Variants in AKAP9 observed in about 807,000 individuals in gnomAD.
The protein encoded by AKAP9 is A-kinase anchoring protein 9.
In AKAP9, 311 loss-of-function variants were observed where a neutral mutation model predicts 488.5. That is an observed-to-expected ratio of 0.64 (90% confidence interval 0.58 to 0.70). AKAP9 has a LOEUF of 0.70. Among genes scored for constraint, AKAP9 ranks in the 30% least tolerant of loss-of-function variants. The pLI, the probability that AKAP9 is intolerant of heterozygous loss-of-function variation, is 0.00. For missense variants in AKAP9, 4,215 were observed against 4,374.5 expected, an observed-to-expected ratio of 0.96 and a Z score of 1.03; for synonymous variants, 1,462 against 1,483.5, an observed-to-expected ratio of 0.99 and a Z score of 0.33.
At chr7:92,013,368 G>A (rs1047381506) in intron 9 of AKAP9, among the ~76,000 whole-genome samples, 1 of 152,118 alleles carries the variant, frequency 6.6e-6, no homozygotes, top group African/African-American at 2.4e-5. Context: ...AAAATTGAGA[G>A]TTCAAGGTGT....
Position 91,940,899 on chromosome 7 carries a change from G to A in AKAP9, c.-201G>A, listed in dbSNP as rs1378215320. On this transcript the variant is annotated 5_prime_UTR_variant, in exon 1 of 50. Coordinates refer to ENST00000356239, the MANE Select transcript of AKAP9 (RefSeq NM_005751.5). ...AGACGAAGATGGCGGCGGCGGCGGC[G>A]GTGACGGCGCTTCCCGTGCGGCTGA... is the stretch of plus-strand genomic sequence containing the variant. 1 of 622,250 alleles carries A rather than the reference G, an allele frequency of 1.6e-6. No homozygotes were observed. The highest frequency in any genetic ancestry group is 2.9e-6 in the Non-Finnish European group (1 of 347,904). 38.5% of individuals were successfully genotyped at this position (622,250 alleles called of 1,614,324 possible). A position where few individuals can be genotyped will look rare whatever the true frequency, so the allele number is the denominator to read the frequency against.
intron 1 of AKAP9, among the ~76,000 whole-genome samples, chr7:91,947,606 C>CT (rs1284544792): frequency 2.0e-5 from 3 of 152,172 alleles, no homozygotes; most frequent in African/African-American, 7.2e-5. Flanking sequence ...TCCCAAAGTG[C>CT]TGGGATTACA....
intron 46 of AKAP9, among the ~76,000 whole-genome samples, chr7:92,103,804 G>A (rs991136861): frequency 2.6e-5 from 4 of 152,070 alleles, no homozygotes; most frequent in East Asian, 1.9e-4. Context: ...TTAGGCTGGC[G>A]TACATTCATT....
Position 92,076,866 on chromosome 7 carries a change from A to G in AKAP9, c.6624A>G (p.Leu2208=). The G allele has an allele frequency of 6.8e-7, 1 of 1,466,322 alleles. No individual in the cohort carries two copies. Among genetic ancestry groups the G allele is most frequent in the South Asian group, 1.2e-5 (1 of 80,080 alleles). The allele number at this position is 1,466,322 out of a possible 1,614,324, so 90.8% of individuals were successfully genotyped here. A position where few individuals can be genotyped will look rare whatever the true frequency, so the allele number is the denominator to read the frequency against. Residue 2208 remains leucine, a synonymous_variant, in exon 29 of 50, where the codon TTA becomes TTG. Transcript: ENST00000356239. ...TTTTGTTATTAAAGATTACAAACTT[A>G]GAAGAGCAATTAGAACAGTTTAGAG... ...IDRKEKEITN[L]EEQLEQFREE... is the part of the protein sequence containing the mutation.
rs756721657 is a variant in AKAP9 at position 92,097,682 on chromosome 7, A to G, written c.10495A>G (p.Ile3499Val). 6 of 1,614,090 alleles carry G rather than the reference A, an allele frequency of 3.7e-6. No homozygotes were observed. The highest frequency in any genetic ancestry group is 5.1e-6 in the Non-Finnish European group (6 of 1,180,022). Reference protein sequence around the residue: ...ETKESNYAKLIEMNGGGTGCN... With the variant: ...ETKESNYAKLVEMNGGGTGCN... ...AAAAGAATCAAACTACGCTAAATTG[A>G]TTGAAATGAATGGAGGAGGAACCGG... The change falls in exon 42 of 50, where the codon ATT becomes GTT. Residue 3499 changes from isoleucine (I) to valine (V), a missense_variant. Coordinates refer to ENST00000356239, the MANE Select transcript of AKAP9 (RefSeq NM_005751.5).
intron 12 of AKAP9, among the ~76,000 whole-genome samples, chr7:92,021,318 C>T (rs767463363): frequency 1.1e-4 from 16 of 152,008 alleles, no homozygotes; most frequent in African/African-American, 1.7e-4. Flanking sequence ...ATTTTTTAAA[C>T]GGATTTTATA....
At chr7:92,016,921 A>ATT in intron 11 of AKAP9, 96 bp from the exon 12 acceptor site, 1 of 973,226 alleles carries the variant, frequency 1.0e-6, no homozygotes, top group African/African-American at 1.6e-5. Flanking sequence ...CTAGCAGGCA[A>ATT]TTTTTTTAAG....
intron 16 of AKAP9, among the ~76,000 whole-genome samples, chr7:92,034,490 A>C (rs935803351): frequency 6.5e-5 from 6 of 92,858 alleles, no homozygotes; most frequent in Admixed American, 1.2e-4. Flanking sequence ...CTATATATAT[A>C]TATATATATT....
At chr7:92,009,307 A>T (rs1378244061) in intron 8 of AKAP9, among the ~76,000 whole-genome samples, 2 of 152,204 alleles carry the variant, frequency 1.3e-5, no homozygotes, top group Non-Finnish European at 2.9e-5. Flanking sequence ...TACCAAAGAG[A>T]TTCATAAAAG....
chr7:92,012,314 CT>C, intron 8 of AKAP9, 114 bp from the exon 9 acceptor site: 1 of 940,380 alleles, frequency 1.1e-6, no homozygotes, highest in Non-Finnish European at 1.6e-6. Context: ...AAAAATTAGA[CT>C]TCAGTTCTCA....
Position 92,108,598 on chromosome 7 carries a change from A to T in AKAP9, c.11651A>T (p.Glu3884Val). ...CTAACAGATTATATCACTCGGCTAGAGGCACTGCAAAGACGACTTGGAACT... is the reference window on the plus strand; with the variant it reads ...CTAACAGATTATATCACTCGGCTAGTGGCACTGCAAAGACGACTTGGAACT... ...RALTDYITRL[E>V]ALQRRLGTIQ... The change falls in exon 49 of 50, where the codon GAG becomes GTG. Residue 3884 changes from glutamate (E) to valine (V), a missense_variant. This residue lies in a region of AKAP9 where 253 missense variants were observed against 266.8 expected (regional missense o/e 0.95). Transcript: ENST00000356239. 1.2e-6 allele frequency: 2 copies of T among 1,614,168 alleles called. No homozygotes were observed. The highest frequency in any genetic ancestry group is 2.2e-5 in the South Asian group (2 of 91,076).
At chr7:92,054,660 T>C (rs1442214220) in intron 22 of AKAP9, among the ~76,000 whole-genome samples, 2 of 152,086 alleles carry the variant, frequency 1.3e-5, no homozygotes, top group Non-Finnish European at 2.9e-5. Flanking sequence ...AGGAGTTATT[T>C]ACTTTAGATA....
In AKAP9 at chr7:92,038,781, GC is replaced by G; in HGVS notation, c.4692+11del. On this transcript the variant is annotated intron_variant, in intron 17 of 49. Coordinates refer to ENST00000356239, the MANE Select transcript of AKAP9 (RefSeq NM_005751.5). ...TTATAGTTAGACAGTCTGTAAGTAT[GC>G]CTCCTTGAATATAAAAAACTTATTT... The G allele has an allele frequency of 6.4e-7, 1 of 1,552,408 alleles. No homozygotes were observed. The highest frequency in any genetic ancestry group is 1.4e-5 in the African/African-American group (1 of 73,218).
intron 43 of AKAP9, 61 bp from the exon 44 acceptor site, chr7:92,099,624 CTT>C: frequency 6.6e-7 from 1 of 1,519,670 alleles, no homozygotes; most frequent in South Asian, 1.1e-5. Context: ...CCTATTCACA[CTT>C]TATATGCATT....
rs756905236 is a variant in AKAP9, at chr7:92,080,130, C to T, written c.7997C>T (p.Pro2666Leu). The stretch of plus-strand genomic sequence containing the variant: ...AGAGAGAAAGAAAAGAAAAGAAGCC[C>T]TCAAGATGTTGAAGTTCTCAAGGTT... ...KQREKEKKRS[P>L]QDVEVLKTTT... Residue 2666 changes from proline to leucine, a missense_variant, in exon 31 of 50, where the codon CCT becomes CTT. Physicochemically the swap from Pro to Leu is moderately conservative, Grantham distance 98. Around this residue, in one of 5 missense-constraint regions of AKAP9, gnomAD observed 1,476 missense variants for 1,477.4 expected, o/e 1.00. Coordinates refer to ENST00000356239, the MANE Select transcript of AKAP9 (RefSeq NM_005751.5). The T allele has an allele frequency of 5.0e-6, 8 of 1,593,046 alleles. No individual in the cohort carries two copies. The Admixed American group carries it at 1.4e-4, about 28-fold the overall frequency.
intron 38 of AKAP9, chr7:92,090,151 T>C (rs183489141): frequency 6.6e-6 from 1 of 152,410 alleles, no homozygotes; most frequent in Non-Finnish European, 1.5e-5. Context: ...TTTTGAACTT[T>C]ATCAATCTGT....
intron 1 of AKAP9, among the ~76,000 whole-genome samples, chr7:91,955,086 T>C (rs965994175): frequency 6.6e-6 from 1 of 152,320 alleles, no homozygotes; most frequent in Non-Finnish European, 1.5e-5. Context: ...CTCCTCGTGT[T>C]ATCTTTCTGG....
chr7:91,952,234 G>A (rs1792349229), intron 1 of AKAP9, among the ~76,000 whole-genome samples: 1 of 152,204 alleles, frequency 6.6e-6, no homozygotes, highest in African/African-American at 2.4e-5. Flanking sequence ...GATACAATAA[G>A]TTAAGTATTC....
At chr7:91,961,716 C>T (rs1402489042) in intron 1 of AKAP9, among the ~76,000 whole-genome samples, 2 of 151,562 alleles carry the variant, frequency 1.3e-5, no homozygotes, top group African/African-American at 4.8e-5. Context: ...TGGTGCCAGG[C>T]GCCTGTAGTC....
Sources: allele counts gnomAD v4.1 joint callset (sites outside exome capture counted in the v4.1 genomes callset), GRCh38; gene constraint gnomAD v4.1.1; regional missense constraint gnomAD v4.1.1; transcripts MANE v1.5; gene names NCBI Gene and HGNC (gene_info 2026-07-23, HGNC 2026-07-21).